FNDC3B: variants seen among roughly 807,000 people sequenced by gnomAD.
The protein encoded by FNDC3B is fibronectin type III domain-containing protein 3B.
FNDC3B carries 12 observed loss-of-function variants against 151.5 expected under a neutral mutation model. The ratio of observed to expected loss-of-function variants is 0.08; its 90% CI spans 0.05 to 0.13. The LOEUF (loss-of-function observed/expected upper bound fraction) is 0.13. FNDC3B is among the 10% of genes least tolerant of loss of function. The pLI is 1.00. For missense variants in FNDC3B, 1,214 were observed against 1,505.3 expected (o/e 0.81, Z 3.20); for synonymous variants, 528 against 549.0 (o/e 0.96, Z 0.54).
intron 6 of FNDC3B, among the ~76,000 whole-genome samples, chr3:172,254,561 C>A (rs1371917401): frequency 2.0e-5 from 3 of 152,080 alleles, no homozygotes. Flanking sequence ...TTAAATGAGT[C>A]CTGTTTTCTT....
intron 23 of FNDC3B, among the ~76,000 whole-genome samples, chr3:172,370,536 A>G (rs577153988): frequency 1.2e-4 from 18 of 152,338 alleles, no homozygotes; most frequent in Middle Eastern, 3.4e-3. Context: ...ATTTACTTCA[A>G]TCTCATAAAA....
chr3:172,381,407 A>G (rs550472076), intron 25 of FNDC3B, among the ~76,000 whole-genome samples: 5 of 152,276 alleles, frequency 3.3e-5, no homozygotes, highest in South Asian at 4.1e-4. Context: ...ATTGAAAACT[A>G]AAGTGCCTGT....
chr3:172,081,120 G>A (rs1486519766), intron 1 of FNDC3B, among the ~76,000 whole-genome samples: 1 of 152,112 alleles, frequency 6.6e-6, no homozygotes, highest in Non-Finnish European at 1.5e-5. Context: ...TTTTATCCCA[G>A]TACTCTCTTC....
At chr3:172,257,327 C>T (rs1365008412) in intron 6 of FNDC3B, among the ~76,000 whole-genome samples, 1 of 152,146 alleles carries the variant, frequency 6.6e-6, no homozygotes, top group Non-Finnish European at 1.5e-5. Flanking sequence ...ATGACTTTTA[C>T]ATTTTAAAAA....
chr3:172,156,052 A>G (rs1279753988), intron 3 of FNDC3B, among the ~76,000 whole-genome samples: 1 of 152,186 alleles, frequency 6.6e-6, no homozygotes, highest in African/African-American at 2.4e-5. Context: ...TTCAAATACA[A>G]CTGCGAGTAG....
At chr3:172,292,454 G>A (rs1730394449) in intron 7 of FNDC3B, among the ~76,000 whole-genome samples, 1 of 152,166 alleles carries the variant, frequency 6.6e-6, no homozygotes, top group African/African-American at 2.4e-5. Context: ...CTCTGTTCAG[G>A]TAAATAATAA....
rs769610540 is a variant in FNDC3B at position 172,251,221 on chromosome 3, G to A, written c.509-39G>A. On this transcript the variant is annotated intron_variant, in intron 5 of 25. Transcript: ENST00000415807. ...CATTTAATAATTTATTATTGAAAAT[G>A]TAAACTGAGTTTGGGTTTATCATAA... 16 of 1,485,306 alleles carry A rather than the reference G, an allele frequency of 1.1e-5. No individual in the cohort carries two copies. In the South Asian group the frequency reaches 1.7e-4, roughly 15 times the overall value. The allele number at this position is 1,485,306 out of a possible 1,614,324, so 92.0% of individuals were successfully genotyped here.
intron 3 of FNDC3B, among the ~76,000 whole-genome samples, chr3:172,222,749 C>T (rs1244378394): frequency 6.6e-6 from 1 of 152,242 alleles, no homozygotes; most frequent in Non-Finnish European, 1.5e-5. Context: ...CTGTTCATCT[C>T]CTGCTGTGCA....
intron 3 of FNDC3B, among the ~76,000 whole-genome samples, chr3:172,142,073 A>G (rs1051671841): frequency 6.6e-6 from 1 of 152,190 alleles, no homozygotes; most frequent in Admixed American, 6.5e-5. Context: ...GAGCTGGAAT[A>G]GTAATTTCTC....
rs1481545554 is a variant in FNDC3B, at chr3:172,397,517, A to G, written c.*42A>G. On this transcript the variant is annotated 3_prime_UTR_variant, in exon 26 of 26. Transcript: ENST00000415807. ...GGTATGAATTAATGCTACACATTTT[A>G]ATACACACATTTATTCAGATACTCC... The G allele has an allele frequency of 7.8e-7, 1 of 1,277,802 alleles. No homozygotes were observed. The highest frequency in any genetic ancestry group is 2.3e-5 in the East Asian group (1 of 42,996). 79.2% of individuals were successfully genotyped at this position (1,277,802 alleles called of 1,614,324 possible). A position where few individuals can be genotyped will look rare whatever the true frequency, so the allele number is the denominator to read the frequency against.
intron 3 of FNDC3B, among the ~76,000 whole-genome samples, chr3:172,157,002 A>G (rs1194727303): frequency 6.6e-6 from 1 of 152,206 alleles, no homozygotes; most frequent in African/African-American, 2.4e-5. Flanking sequence ...CACATTTATC[A>G]ATGGACTGTG....
intron 1 of FNDC3B, among the ~76,000 whole-genome samples, chr3:172,064,698 A>C (rs1372145560): frequency 6.6e-6 from 1 of 152,242 alleles, no homozygotes. Flanking sequence ...GAAGATTATC[A>C]AATTTTAGCT....
chr3:172,265,892 T>A (rs1224049976), intron 6 of FNDC3B, among the ~76,000 whole-genome samples: 1 of 152,216 alleles, frequency 6.6e-6, no homozygotes, highest in Non-Finnish European at 1.5e-5. Context: ...TGAGCAGATG[T>A]TCCCTCAGCA....
intron 7 of FNDC3B, 118 bp from the exon 8 acceptor site, chr3:172,295,245 C>A: frequency 1.1e-6 from 1 of 923,910 alleles, no homozygotes; most frequent in Non-Finnish European, 1.6e-6. Flanking sequence ...AGATGTCTTT[C>A]ATTGTAATTA....
At chr3:172,175,463 A>T (rs567625505) in intron 3 of FNDC3B, among the ~76,000 whole-genome samples, 17 of 152,172 alleles carry the variant, frequency 1.1e-4, no homozygotes, top group African/African-American at 3.9e-4. Flanking sequence ...TTTTGTTCTC[A>T]ACTGGGACCT....
At chr3:172,168,681 G>A (rs1024904237) in intron 3 of FNDC3B, among the ~76,000 whole-genome samples, 2 of 150,914 alleles carry the variant, frequency 1.3e-5, no homozygotes, top group African/African-American at 4.9e-5. Flanking sequence ...ATGTCTGTGT[G>A]ATGGAAATAC....
At chr3:172,393,094 T>A (rs1736099437) in intron 25 of FNDC3B, among the ~76,000 whole-genome samples, 1 of 152,054 alleles carries the variant, frequency 6.6e-6, no homozygotes, top group Non-Finnish European at 1.5e-5. Flanking sequence ...TGAGCCACCA[T>A]GCCCAGCCAT....
chr3:172,158,627 A>C (rs1722616734), intron 3 of FNDC3B, among the ~76,000 whole-genome samples: 1 of 152,164 alleles, frequency 6.6e-6, no homozygotes, highest in Admixed American at 6.5e-5. Flanking sequence ...GTTCTTCTGC[A>C]GGGAAAAAGT....
intron 1 of FNDC3B, among the ~76,000 whole-genome samples, chr3:172,063,067 C>G (rs908470320): frequency 2.6e-5 from 4 of 152,148 alleles, no homozygotes; most frequent in African/African-American, 9.7e-5. Context: ...CCTTTCTTTA[C>G]ACGTATCTTT....
Sources: gnomAD v4.1 joint callset for allele counts (sites outside exome capture counted in the v4.1 genomes callset) on GRCh38, gnomAD v4.1.1 for gene constraint, MANE v1.5 for transcripts, NCBI Gene and HGNC (gene_info 2026-07-23, HGNC 2026-07-21) for gene names.